The following SMYD3 variants were observed in gnomAD, a reference collection of about 807,000 sequenced individuals.
The protein encoded by SMYD3 is SET and MYND domain containing 3, also known as histone-lysine N-methyltransferase SMYD3.
In SMYD3, 36 loss-of-function variants were observed where a neutral mutation model predicts 57.7. The ratio of observed to expected loss-of-function variants is 0.62; its 90% CI spans 0.48 to 0.82. SMYD3 has a LOEUF of 0.82. SMYD3 is among the 40% of genes least tolerant of loss of function. The pLI is 0.00. For synonymous variants in SMYD3, 211 were observed against 195.0 expected, an observed-to-expected ratio of 1.08 and a Z score of -0.68; for missense variants, 515 against 538.8, an observed-to-expected ratio of 0.96 and a Z score of 0.44.
intron 5 of SMYD3, among the ~76,000 whole-genome samples, chr1:246,266,890 C>G (rs906823455): frequency 2.0e-5 from 3 of 150,488 alleles, no homozygotes; most frequent in Non-Finnish European, 2.9e-5. Flanking sequence ...AATATGATCC[C>G]AAGTAAAAAA....
At chr1:245,788,634 T>A (rs1266241595) in intron 10 of SMYD3, among the ~76,000 whole-genome samples, 1 of 152,158 alleles carries the variant, frequency 6.6e-6, no homozygotes, top group Non-Finnish European at 1.5e-5. Flanking sequence ...GCCCCTCAGC[T>A]CTATCAAGTT....
chr1:246,396,259 T>C (rs1452861452), intron 1 of SMYD3, among the ~76,000 whole-genome samples: 1 of 152,264 alleles, frequency 6.6e-6, no homozygotes, highest in Non-Finnish European at 1.5e-5. Context: ...AATATCCTAC[T>C]GGTACATGTC....
chr1:246,408,833 C>A (rs1407723640), intron 1 of SMYD3, among the ~76,000 whole-genome samples: 2 of 152,010 alleles, frequency 1.3e-5, no homozygotes, highest in Non-Finnish European at 2.9e-5. Flanking sequence ...CCACACCTGG[C>A]TAATTTTTGT....
intron 5 of SMYD3, among the ~76,000 whole-genome samples, chr1:246,039,760 C>T (rs980313802): frequency 3.9e-5 from 6 of 152,110 alleles, no homozygotes; most frequent in South Asian, 2.1e-4. Flanking sequence ...CGTGGAGAGG[C>T]GTTTTCTCAA....
At chr1:246,448,931 C>T (rs1412756960) in intron 1 of SMYD3, among the ~76,000 whole-genome samples, 1 of 151,946 alleles carries the variant, frequency 6.6e-6, no homozygotes. Flanking sequence ...CTTTTTTCCA[C>T]TCTAAAGTTT....
At chr1:245,878,107 G>T (rs1028996063) in intron 8 of SMYD3, among the ~76,000 whole-genome samples, 2 of 152,058 alleles carry the variant, frequency 1.3e-5, no homozygotes, top group Non-Finnish European at 2.9e-5. Flanking sequence ...TGAAATCAGG[G>T]GCTCACCGAT....
At chr1:246,004,840 T>C (rs2059141338) in intron 5 of SMYD3, among the ~76,000 whole-genome samples, 1 of 152,026 alleles carries the variant, frequency 6.6e-6, no homozygotes, top group South Asian at 2.1e-4. Flanking sequence ...AATAAAAGAA[T>C]AAGGGATAAT....
At chr1:245,924,147 A>G (rs2056191510) in intron 7 of SMYD3, among the ~76,000 whole-genome samples, 1 of 152,202 alleles carries the variant, frequency 6.6e-6, no homozygotes, top group Admixed American at 6.5e-5. Context: ...GCTTTGGCCT[A>G]CCCAGCTTTC....
intron 5 of SMYD3, among the ~76,000 whole-genome samples, chr1:246,065,411 TAG>T (rs1420106496): frequency 6.6e-6 from 1 of 152,236 alleles, no homozygotes; most frequent in Non-Finnish European, 1.5e-5. Context: ...GTCAGTTTAC[TAG>T]AGATGCTCAC....
chr1:246,294,112 T>A (rs941315139), intron 5 of SMYD3, among the ~76,000 whole-genome samples: 1 of 152,178 alleles, frequency 6.6e-6, no homozygotes, highest in Non-Finnish European at 1.5e-5. Flanking sequence ...AAGTGTTCCA[T>A]CCATGCTGCT....
At chr1:246,125,227 T>C (rs1361130366) in intron 5 of SMYD3, among the ~76,000 whole-genome samples, 4 of 152,260 alleles carry the variant, frequency 2.6e-5, no homozygotes, top group African/African-American at 7.2e-5. Flanking sequence ...ACTTCATATA[T>C]TGAAGTTGAA....
At chr1:246,084,121 T>A (rs2060687140) in intron 5 of SMYD3, among the ~76,000 whole-genome samples, 1 of 152,156 alleles carries the variant, frequency 6.6e-6, no homozygotes, top group Non-Finnish European at 1.5e-5. Flanking sequence ...TGTAAATGAT[T>A]TTTGTGTGAT....
intron 10 of SMYD3, among the ~76,000 whole-genome samples, chr1:245,780,558 C>T (rs2046788054): frequency 7.8e-6 from 1 of 128,242 alleles, no homozygotes; most frequent in African/African-American, 4.0e-5. Context: ...TGACTGCTAA[C>T]AAGCATGAGG....
At chr1:246,318,960 G>A (rs1467349467) in intron 5 of SMYD3, among the ~76,000 whole-genome samples, 1 of 152,106 alleles carries the variant, frequency 6.6e-6, no homozygotes, top group African/African-American at 2.4e-5. Flanking sequence ...TAACCAAATG[G>A]CTACGAATGA....
At chr1:245,779,707 A>G (rs1250987673) in intron 10 of SMYD3, among the ~76,000 whole-genome samples, 1 of 152,240 alleles carries the variant, frequency 6.6e-6, no homozygotes, top group Non-Finnish European at 1.5e-5. Context: ...CTAAAATCAA[A>G]CAAACTATCA....
At chr1:246,110,813 C>T (rs1292370981) in intron 5 of SMYD3, among the ~76,000 whole-genome samples, 2 of 152,212 alleles carry the variant, frequency 1.3e-5, no homozygotes, top group Non-Finnish European at 2.9e-5. Flanking sequence ...TACCTCAGCC[C>T]ATCCTGCCTG....
intron 5 of SMYD3, among the ~76,000 whole-genome samples, chr1:246,078,739 A>C (rs1187838219): frequency 6.6e-6 from 1 of 152,204 alleles, no homozygotes; most frequent in Non-Finnish European, 1.5e-5. Context: ...GCTGAAGAAA[A>C]ACACCTAGCT....
At chr1:245,804,079 AT>A (rs1182949204) in intron 10 of SMYD3, among the ~76,000 whole-genome samples, 2 of 151,716 alleles carry the variant, frequency 1.3e-5, no homozygotes, top group African/African-American at 4.8e-5. Context: ...CACTCGGGTA[AT>A]TTTTGTATTT....
chr1:246,385,662 T>C (rs890934968), intron 1 of SMYD3, among the ~76,000 whole-genome samples: 8 of 152,206 alleles, frequency 5.3e-5, no homozygotes, highest in African/African-American at 1.9e-4. Flanking sequence ...AAACTGTGCA[T>C]TATATTGTCT....
Sources: allele counts gnomAD v4.1 joint callset (sites outside exome capture counted in the v4.1 genomes callset), GRCh38; gene constraint gnomAD v4.1.1; transcripts MANE v1.5; gene names NCBI Gene and HGNC (gene_info 2026-07-23, HGNC 2026-07-21).